Variants in TACR3 observed in about 807,000 individuals in gnomAD.
TACR3 encodes the protein neuromedin-K receptor.
Under a neutral mutation model 35.0 loss-of-function variants are expected in TACR3, and 34 were observed. The observed-to-expected ratio is 0.97, with a 90% CI of 0.74 to 1.30. The LOEUF (loss-of-function observed/expected upper bound fraction) is 1.30. Among genes scored for constraint, TACR3 ranks in the 50% most tolerant of loss-of-function variants. The pLI, the probability that TACR3 is intolerant of heterozygous loss-of-function variation, is 0.00. For missense variants in TACR3, 558 were observed against 591.7 expected, an observed-to-expected ratio of 0.94 and a Z score of 0.59; for synonymous variants, 233 against 221.1, an observed-to-expected ratio of 1.05 and a Z score of -0.48.
chr4:103,689,931 C>T (rs1164380575), intron 1 of TACR3, among the ~76,000 whole-genome samples: 3 of 152,014 alleles, frequency 2.0e-5, no homozygotes, highest in Non-Finnish European at 4.4e-5. Context: ...AAGTAAACAA[C>T]ACAAAACAAA....
At chr4:103,616,184 T>C (rs946080864) in intron 3 of TACR3, among the ~76,000 whole-genome samples, 3 of 152,142 alleles carry the variant, frequency 2.0e-5, no homozygotes, top group African/African-American at 4.8e-5. Context: ...TGTGGGTTAC[T>C]ACACAGCACA....
At chr4:103,612,567 C>T (rs889852832) in intron 3 of TACR3, among the ~76,000 whole-genome samples, 2 of 151,968 alleles carry the variant, frequency 1.3e-5, no homozygotes, top group African/African-American at 4.8e-5. Context: ...GGCTGGAGTG[C>T]AGTGGCTTGC....
chr4:103,635,540 C>T (rs1338922864), intron 3 of TACR3, among the ~76,000 whole-genome samples: 1 of 151,972 alleles, frequency 6.6e-6, no homozygotes, highest in Admixed American at 6.6e-5. Context: ...GCTTTGGTGA[C>T]TTGCTTAACG....
At chr4:103,627,377 A>G (rs868725193) in intron 3 of TACR3, among the ~76,000 whole-genome samples, 16 of 139,006 alleles carry the variant, frequency 1.2e-4, no homozygotes, top group Non-Finnish European at 1.1e-4. Flanking sequence ...AAAAAAAAAA[A>G]GCTGGGCATG....
chr4:103,718,639 GA>G (rs1370438447), intron 1 of TACR3, among the ~76,000 whole-genome samples: 1 of 152,146 alleles, frequency 6.6e-6, no homozygotes, highest in African/African-American at 2.4e-5. Flanking sequence ...CAAGACTAGG[GA>G]ATAGGGAAGG....
At chr4:103,631,847 G>A (rs1433634940) in intron 3 of TACR3, among the ~76,000 whole-genome samples, 1 of 152,138 alleles carries the variant, frequency 6.6e-6, no homozygotes, top group Non-Finnish European at 1.5e-5. Context: ...CTTGATCAGT[G>A]TTCTTTAATA....
At chr4:103,680,992 T>C (rs904725323) in intron 1 of TACR3, among the ~76,000 whole-genome samples, 26 of 151,776 alleles carry the variant, frequency 1.7e-4, no homozygotes, top group African/African-American at 6.3e-4. Flanking sequence ...TTCTTCCTTA[T>C]ATTTTTTTTC....
chr4:103,614,892 T>G (rs1384240175), intron 3 of TACR3, among the ~76,000 whole-genome samples: 1 of 113,446 alleles, frequency 8.8e-6, no homozygotes, highest in African/African-American at 3.4e-5. Flanking sequence ...GTGTTTTTTT[T>G]TTTTTTTTTT....
intron 1 of TACR3, among the ~76,000 whole-genome samples, chr4:103,695,304 T>A (rs114801629): frequency 3.3e-5 from 5 of 152,092 alleles, no homozygotes; most frequent in Non-Finnish European, 7.4e-5. Context: ...GTCTCTCCTG[T>A]TTCTCCTTCC....
chr4:103,638,467 G>T (rs184576649), intron 3 of TACR3, among the ~76,000 whole-genome samples: 1 of 151,800 alleles, frequency 6.6e-6, no homozygotes, highest in African/African-American at 2.4e-5. Flanking sequence ...TTACATGTTC[G>T]ACCTAAAACC....
chr4:103,649,076 T>C (rs981290627), intron 3 of TACR3, among the ~76,000 whole-genome samples: 2 of 152,146 alleles, frequency 1.3e-5, no homozygotes, highest in Admixed American at 1.3e-4. Context: ...TGGCCATTTG[T>C]ATGTCTTCTT....
intron 1 of TACR3, among the ~76,000 whole-genome samples, chr4:103,687,311 G>A (rs1344987603): frequency 6.6e-6 from 1 of 152,052 alleles, no homozygotes; most frequent in Non-Finnish European, 1.5e-5. Context: ...GCAAAAACTG[G>A]AAGCATTCCC....
intron 3 of TACR3, among the ~76,000 whole-genome samples, chr4:103,603,177 G>A (rs1724252769): frequency 1.3e-5 from 2 of 152,196 alleles, no homozygotes; most frequent in African/African-American, 2.4e-5. Flanking sequence ...GACTCCATGG[G>A]CGTAGGACCC....
chr4:103,629,358 T>G (rs1466995865), intron 3 of TACR3, among the ~76,000 whole-genome samples: 1 of 152,066 alleles, frequency 6.6e-6, no homozygotes, highest in African/African-American at 2.4e-5. Context: ...TTGTCCCTGT[T>G]TTCAGATGAC....
intron 1 of TACR3, among the ~76,000 whole-genome samples, chr4:103,667,715 C>T (rs144193467): frequency 6.6e-6 from 1 of 152,228 alleles, no homozygotes; most frequent in African/African-American, 2.4e-5. Context: ...TTATAACCCC[C>T]TCAAAGTTGT....
At chr4:103,619,190 T>A (rs776564854) in intron 3 of TACR3, among the ~76,000 whole-genome samples, 1 of 152,068 alleles carries the variant, frequency 6.6e-6, no homozygotes, top group Non-Finnish European at 1.5e-5. Context: ...AGAGATAGCG[T>A]GACTTCCTAT....
At chr4:103,666,274 G>A (rs1339439489) in intron 1 of TACR3, among the ~76,000 whole-genome samples, 1 of 152,150 alleles carries the variant, frequency 6.6e-6, no homozygotes, top group Admixed American at 6.6e-5. Flanking sequence ...GCAACATTAA[G>A]ATTAGAAAAA....
chr4:103,712,277 T>C lies in TACR3; in HGVS notation c.548+6851A>G, dbSNP rs1722983783. Among the ~76,000 whole-genome samples the C allele has an allele frequency of 2.7e-5, 4 of 150,690 alleles. No individual in the cohort carries two copies. The South Asian group carries it at 8.3e-4, about 31-fold the overall frequency. On this transcript the variant is annotated intron_variant, in intron 1 of 4. Coordinates refer to ENST00000304883, the MANE Select transcript of TACR3 (RefSeq NM_001059.3). ...AAGGCTACAGTAACCAAAACAGAGA[T>C]ACATACCAATGGAACAGAACAGAGC... is the stretch of plus-strand genomic sequence containing the variant.
chr4:103,604,448 C>G (rs1000289035), intron 3 of TACR3, among the ~76,000 whole-genome samples: 2 of 152,032 alleles, frequency 1.3e-5, no homozygotes, highest in Non-Finnish European at 2.9e-5. Flanking sequence ...TAGAAGAAAA[C>G]CTAGGCAACA....
Sources: gnomAD v4.1 joint callset for allele counts (sites outside exome capture counted in the v4.1 genomes callset) on GRCh38, gnomAD v4.1.1 for gene constraint, MANE v1.5 for transcripts, NCBI Gene and HGNC (gene_info 2026-07-23, HGNC 2026-07-21) for gene names.